The following KIDINS220 variants were observed in gnomAD, a reference collection of about 807,000 sequenced individuals.
KIDINS220 encodes kinase D interacting substrate 220, also known as kinase D-interacting substrate of 220 kDa.
Under a neutral mutation model 157.6 loss-of-function variants are expected in KIDINS220, and 63 were observed. That is an observed-to-expected ratio of 0.40 (90% CI 0.33 to 0.49). The LOEUF (loss-of-function observed/expected upper bound fraction) is 0.49. KIDINS220 is among the 20% of genes least tolerant of loss of function. The probability of loss-of-function intolerance (pLI) is 0.66; values close to 1 mark genes in which losing one functional copy is unlikely to be tolerated. For missense variants in KIDINS220, 1,772 were observed against 2,171.2 expected, an observed-to-expected ratio of 0.82 and a Z score of 3.65; for synonymous variants, 732 against 783.6, an observed-to-expected ratio of 0.93 and a Z score of 1.10.
intron 1 of KIDINS220, among the ~76,000 whole-genome samples, chr2:8,830,521 C>T (rs1037618083): frequency 1.3e-5 from 2 of 152,180 alleles, no homozygotes; most frequent in East Asian, 1.9e-4. Flanking sequence ...AGGGCTCAAG[C>T]GATCCTCCCA....
chr2:8,781,209 GGA>G (rs1246634360), intron 17 of KIDINS220, among the ~76,000 whole-genome samples: 5 of 146,118 alleles, frequency 3.4e-5, no homozygotes, highest in Admixed American at 6.9e-5. Context: ...GATTCTCTAA[GGA>G]GACATAATAA....
At chr2:8,800,093 G>A (rs139190262) in intron 9 of KIDINS220, 18 of 262,076 alleles carry the variant, frequency 6.9e-5, no homozygotes, top group South Asian at 6.9e-4. Context: ...AAGTGTCACC[G>A]ACTCTCTCAG....
chr2:8,723,173 A>T (rs1308274545), downstream of KIDINS220: 1 of 152,274 alleles, frequency 6.6e-6, no homozygotes, highest in Non-Finnish European at 1.5e-5. Context: ...TGGATTTCCC[A>T]TGCACCCTGG....
downstream of KIDINS220, among the ~76,000 whole-genome samples, chr2:8,725,961 T>C (rs1663264111): frequency 6.6e-6 from 1 of 152,288 alleles, no homozygotes; most frequent in Non-Finnish European, 1.5e-5. Context: ...TTACGTGCAA[T>C]CTTGGTAAAA....
At chr2:8,775,440 G>A (rs1456501872) in intron 21 of KIDINS220, among the ~76,000 whole-genome samples, 4 of 152,166 alleles carry the variant, frequency 2.6e-5, no homozygotes, top group East Asian at 1.9e-4. Flanking sequence ...AGCGCAAAAG[G>A]AGGAAATCCA....
chr2:8,807,908 G>A (rs1675712992), intron 6 of KIDINS220, among the ~76,000 whole-genome samples: 1 of 152,160 alleles, frequency 6.6e-6, no homozygotes, highest in Admixed American at 6.5e-5. Flanking sequence ...GATCACCTGA[G>A]GTCAGGAGTT....
chr2:8,795,065 T>A (rs184824418), intron 11 of KIDINS220, among the ~76,000 whole-genome samples: 1 of 152,352 alleles, frequency 6.6e-6, no homozygotes, highest in East Asian at 1.9e-4. Context: ...AAAACTGCAG[T>A]ATGACACACA....
Position 8,827,082 on chromosome 2 carries a change from C to G in KIDINS220, c.12G>C (p.Leu4Phe), listed in dbSNP as rs775624859. The G allele has an allele frequency of 1.3e-6, 2 of 1,579,662 alleles. No individual in the cohort carries two copies. Among genetic ancestry groups the G allele is most frequent in the Admixed American group, 3.4e-5 (2 of 58,214 alleles). The change falls in exon 2 of 30, where the codon TTG becomes TTC. Residue 4 changes from leucine to phenylalanine, a missense_variant. By Grantham distance (22) the Leu-to-Phe change is conservative. This residue lies in a region of KIDINS220 where 254 missense variants were observed against 268.6 expected (regional missense o/e 0.95). Coordinates refer to ENST00000256707, the MANE Select transcript of KIDINS220 (RefSeq NM_020738.4). ...CATAATTTATGACGCTCTGTGATAT[C>G]AAAACTGACATTTTCACAGAAAGCT... MSV[L>F]ISQSVINYVE...
chr2:8,832,929 A>G (rs1002472532), intron 1 of KIDINS220, among the ~76,000 whole-genome samples: 2 of 151,896 alleles, frequency 1.3e-5, no homozygotes, highest in South Asian at 2.1e-4. Flanking sequence ...ATAATTGTAC[A>G]TGTTTATGGG....
chr2:8,722,232 G>A (rs1424705383), downstream of KIDINS220: 4 of 152,172 alleles, frequency 2.6e-5, no homozygotes, highest in African/African-American at 9.7e-5. Flanking sequence ...TTTCTAACAA[G>A]TCAGAATACA....
intron 22 of KIDINS220, among the ~76,000 whole-genome samples, chr2:8,766,068 A>G (rs1669445019): frequency 6.6e-6 from 1 of 152,024 alleles, no homozygotes; most frequent in South Asian, 2.1e-4. Flanking sequence ...CATCAGGGTA[A>G]TGGCCACACA....
downstream of KIDINS220, chr2:8,725,618 A>C (rs936931703): frequency 4.6e-5 from 7 of 152,238 alleles, no homozygotes; most frequent in East Asian, 9.6e-4. Flanking sequence ...AGAAATGAGA[A>C]AAGTGCTTGG....
intron 28 of KIDINS220, 30 bp downstream of exon 28, chr2:8,734,625 G>T (rs758353953): frequency 7.1e-7 from 1 of 1,402,764 alleles, no homozygotes; most frequent in Non-Finnish European, 1.0e-6. Context: ...AAATAATGTT[G>T]TAAACATCAC....
chr2:8,800,963 T>C (rs1036992107), intron 8 of KIDINS220, among the ~76,000 whole-genome samples: 1 of 152,190 alleles, frequency 6.6e-6, no homozygotes, highest in Non-Finnish European at 1.5e-5. Context: ...TACAGCCACA[T>C]TCAATTAAGG....
At chr2:8,763,721 A>C (rs1025552649) in intron 22 of KIDINS220, among the ~76,000 whole-genome samples, 5 of 152,238 alleles carry the variant, frequency 3.3e-5, no homozygotes, top group Admixed American at 1.3e-4. Context: ...TCTAAGAAGA[A>C]ACTGAGTCTC....
intron 5 of KIDINS220, 66 bp downstream of exon 5, chr2:8,813,171 A>G: frequency 9.9e-7 from 1 of 1,015,076 alleles, no homozygotes; most frequent in South Asian, 1.4e-5. Context: ...AATATAATCA[A>G]CCTTAAGTAT....
intron 26 of KIDINS220, among the ~76,000 whole-genome samples, chr2:8,741,913 G>A (rs1665677527): frequency 6.6e-6 from 1 of 152,162 alleles, no homozygotes; most frequent in Non-Finnish European, 1.5e-5. Flanking sequence ...AAGTGTGAAT[G>A]GTGTTAAAGC....
chr2:8,798,318 A>G lies in KIDINS220; in HGVS notation c.901-18T>C, dbSNP rs770653090. 6 of 1,323,970 alleles carry G rather than the reference A, an allele frequency of 4.5e-6. No homozygotes were observed. In the South Asian group the frequency reaches 7.1e-5, roughly 16 times the overall value. 82.0% of individuals were successfully genotyped at this position (1,323,970 alleles called of 1,614,324 possible). A position where few individuals can be genotyped will look rare whatever the true frequency, so the allele number is the denominator to read the frequency against. On this transcript the variant is annotated intron_variant, in intron 9 of 29. Transcript: ENST00000256707. ...TTATTATCCTAGATAATTAAAAAAA[A>G]CACAATCACTTCATGTAAGATACAA...
At chr2:8,822,647 AAGTTTACTC>A (rs1678164611) in intron 2 of KIDINS220, among the ~76,000 whole-genome samples, 1 of 152,114 alleles carries the variant, frequency 6.6e-6, no homozygotes, top group African/African-American at 2.4e-5. Context: ...AAATAAAATA[AAGTTTACTC>A]ATAAACATAC....
Sources: allele counts gnomAD v4.1 joint callset (sites outside exome capture counted in the v4.1 genomes callset), GRCh38; gene constraint gnomAD v4.1.1; regional missense constraint gnomAD v4.1.1; transcripts MANE v1.5; gene names NCBI Gene and HGNC (gene_info 2026-07-23, HGNC 2026-07-21).